ATXN1: variants seen among roughly 807,000 people sequenced by gnomAD.
The protein encoded by ATXN1 is ataxin-1.
ATXN1 carries 8 observed loss-of-function variants against 56.4 expected under a neutral mutation model. That is an observed-to-expected ratio of 0.14 (90% CI 0.08 to 0.26). The LOEUF is 0.26. ATXN1 is among the 10% of genes least tolerant of loss of function. ATXN1 has a pLI of 1.00. For missense variants in ATXN1, 987 were observed against 1,106.5 expected, an observed-to-expected ratio of 0.89 and a Z score of 1.53; for synonymous variants, 514 against 494.6, an observed-to-expected ratio of 1.04 and a Z score of -0.52.
At chr6:16,731,036 C>T (rs16878924) in intron 2 of ATXN1, among the ~76,000 whole-genome samples, 6,619 of 152,180 alleles carry the variant, frequency 0.043, 496 homozygotes, top group African/African-American at 0.15. Context: ...CATTCCTGGA[C>T]CTATCACAGG....
At chr6:16,730,790 T>C (rs2113484730) in intron 2 of ATXN1, among the ~76,000 whole-genome samples, 1 of 152,174 alleles carries the variant, frequency 6.6e-6, no homozygotes, top group South Asian at 2.1e-4. Flanking sequence ...AAAAGCTAAT[T>C]GAAGCATAAA....
At chr6:16,568,722 C>A (rs1024977657) in intron 4 of ATXN1, among the ~76,000 whole-genome samples, 1 of 152,122 alleles carries the variant, frequency 6.6e-6, no homozygotes, top group African/African-American at 2.4e-5. Flanking sequence ...CTAAATGCTT[C>A]ATCCCAGCCC....
intron 2 of ATXN1, among the ~76,000 whole-genome samples, chr6:16,741,382 G>A (rs563907682): frequency 6.6e-6 from 1 of 152,222 alleles, no homozygotes; most frequent in South Asian, 2.1e-4. Flanking sequence ...GGGTACTTTT[G>A]ACTAGTCCTA....
chr6:16,378,572 T>TATTTATTTATTTATTC (rs1251754728), intron 6 of ATXN1, among the ~76,000 whole-genome samples: 16 of 147,732 alleles, frequency 1.1e-4, no homozygotes, highest in African/African-American at 4.0e-4. Flanking sequence ...TTTATTTATT[T>TATTTATTTATTTATTC]ATTTAGAGAC....
At chr6:16,310,902 CTTT>C (rs1561845443) in intron 7 of ATXN1, among the ~76,000 whole-genome samples, 4 of 152,198 alleles carry the variant, frequency 2.6e-5, no homozygotes, top group Non-Finnish European at 4.4e-5. Flanking sequence ...ACTTCATCTT[CTTT>C]GTTTCCTTTG....
intron 7 of ATXN1, among the ~76,000 whole-genome samples, chr6:16,318,193 C>T (rs191974897): frequency 6.6e-6 from 1 of 152,330 alleles, no homozygotes; most frequent in Admixed American, 6.5e-5. Flanking sequence ...AAATATGTCT[C>T]CCATTTCCTT....
intron 6 of ATXN1, among the ~76,000 whole-genome samples, chr6:16,471,710 T>TGTGTGTGTGTGA (rs1002633039): frequency 6.6e-6 from 1 of 151,658 alleles, no homozygotes; most frequent in Admixed American, 6.6e-5. Flanking sequence ...TGTGTGTGTG[T>TGTGTGTGTGTGA]GAGACAGAAA....
chr6:16,703,566 A>C (rs1347910591), intron 2 of ATXN1, among the ~76,000 whole-genome samples: 1 of 152,192 alleles, frequency 6.6e-6, no homozygotes, highest in Non-Finnish European at 1.5e-5. Flanking sequence ...AAATCATGTA[A>C]ACAAAAGACT....
At chr6:16,409,914 G>A (rs558077622) in intron 6 of ATXN1, among the ~76,000 whole-genome samples, 26 of 152,232 alleles carry the variant, frequency 1.7e-4, no homozygotes, top group Non-Finnish European at 8.8e-5. Context: ...TGCTGGTTGC[G>A]GGTTGAGCGA....
At chr6:16,692,521 A>C (rs973740214) in intron 2 of ATXN1, among the ~76,000 whole-genome samples, 2 of 152,356 alleles carry the variant, frequency 1.3e-5, no homozygotes, top group Middle Eastern at 6.8e-3. Flanking sequence ...CTCAAGAAAG[A>C]CAATTATACC....
At chr6:16,574,355 G>A (rs1007016378) in intron 4 of ATXN1, among the ~76,000 whole-genome samples, 3 of 152,148 alleles carry the variant, frequency 2.0e-5, no homozygotes, top group East Asian at 1.9e-4. Context: ...ACAGGCATGC[G>A]CCACCATGCC....
At chr6:16,574,669 G>C (rs1046611566) in intron 4 of ATXN1, among the ~76,000 whole-genome samples, 2 of 152,152 alleles carry the variant, frequency 1.3e-5, no homozygotes, top group African/African-American at 4.8e-5. Context: ...AAATAGTACA[G>C]AGCTCCCTTG....
intron 6 of ATXN1, among the ~76,000 whole-genome samples, chr6:16,360,826 A>G (rs551255461): frequency 6.6e-6 from 1 of 152,318 alleles, no homozygotes; most frequent in South Asian, 2.1e-4. Flanking sequence ...CACACCTCAC[A>G]TTCAGACCTG....
At position 16,714,181 on chromosome 6, in the gene ATXN1, C is replaced by CCACACACACA. The variant is rs70999343; in HGVS notation, c.-615+39042_-615+39051dup. 8.9e-4 allele frequency among the ~76,000 whole-genome samples: 122 copies of CCACACACACA among 137,638 alleles called. No homozygotes were observed. In the Middle Eastern group the frequency reaches 0.012, roughly 13 times the overall value. 90.3% of individuals were successfully genotyped at this position (137,638 alleles called of 152,430 possible). ...AAAGAAAGAAAAAAAAAACCACACA[C>CCACACACACA]CACACACACACACACACACACACAC... On this transcript the variant is annotated intron_variant, in intron 2 of 7. Coordinates refer to ENST00000436367, the MANE Select transcript of ATXN1 (RefSeq NM_001128164.2).
intron 4 of ATXN1, among the ~76,000 whole-genome samples, chr6:16,558,039 G>A (rs747611379): frequency 6.6e-6 from 1 of 152,168 alleles, no homozygotes; most frequent in Non-Finnish European, 1.5e-5. Flanking sequence ...GGGAGTGGGT[G>A]CTTAATGGGT....
chr6:16,512,123 C>T (rs1449451579), intron 5 of ATXN1, among the ~76,000 whole-genome samples: 2 of 152,236 alleles, frequency 1.3e-5, no homozygotes, highest in Non-Finnish European at 2.9e-5. Flanking sequence ...CTCCATTCAG[C>T]GTCAGGGTGA....
At chr6:16,418,029 G>T (rs1426878741) in intron 6 of ATXN1, among the ~76,000 whole-genome samples, 1 of 152,206 alleles carries the variant, frequency 6.6e-6, no homozygotes, top group Non-Finnish European at 1.5e-5. Flanking sequence ...TGAAGGTAAA[G>T]CATGTTGTTT....
At position 16,301,749 on chromosome 6, in the gene ATXN1, A is replaced by G. The variant is rs370087671; in HGVS notation, c.*4580T>C. The stretch of plus-strand genomic sequence containing the variant: ...CAGTCTGTTGAGCTGCTTGTGGTTC[A>G]TGAAACAGTAGCCATGACAACCAAC... On this transcript the variant is annotated 3_prime_UTR_variant, in exon 8 of 8. Transcript: ENST00000436367. 2 of 152,616 alleles carry G rather than the reference A, an allele frequency of 1.3e-5. No individual in the cohort carries two copies. Among genetic ancestry groups the G allele is most frequent in the Non-Finnish European group, 2.9e-5 (2 of 68,032 alleles). 9.5% of individuals were successfully genotyped at this position (152,616 alleles called of 1,614,324 possible).
chr6:16,675,330 A>G (rs1165934987), intron 2 of ATXN1, among the ~76,000 whole-genome samples: 1 of 152,198 alleles, frequency 6.6e-6, no homozygotes, highest in Non-Finnish European at 1.5e-5. Context: ...CCTTTCTTCA[A>G]TTGCACCATA....
Sources: allele counts gnomAD v4.1 joint callset (sites outside exome capture counted in the v4.1 genomes callset), GRCh38; gene constraint gnomAD v4.1.1; transcripts MANE v1.5; gene names NCBI Gene and HGNC (gene_info 2026-07-23, HGNC 2026-07-21).